The following TNRC6C variants were observed in gnomAD, a reference collection of about 807,000 sequenced individuals.
TNRC6C encodes trinucleotide repeat containing adaptor 6C, also known as trinucleotide repeat-containing gene 6C protein.
In TNRC6C, 20 loss-of-function variants were observed where a neutral mutation model predicts 153.7. That is an observed-to-expected ratio of 0.13 (90% CI 0.09 to 0.19). The LOEUF (loss-of-function observed/expected upper bound fraction) is 0.19, where lower values mean the gene tolerates loss of function less well. Ranked by LOEUF, TNRC6C falls within the 10% of genes least tolerant of loss-of-function variation. TNRC6C has a pLI of 1.00. For missense variants in TNRC6C, 1,987 were observed against 2,172.0 expected, an observed-to-expected ratio of 0.91 and a Z score of 1.69; for synonymous variants, 811 against 841.4, an observed-to-expected ratio of 0.96 and a Z score of 0.63.
intron 3 of TNRC6C, among the ~76,000 whole-genome samples, chr17:78,053,132 A>G (rs183888437): frequency 2.0e-5 from 3 of 152,186 alleles, no homozygotes; most frequent in Non-Finnish European, 4.4e-5. Flanking sequence ...GAGGCTTTTG[A>G]TCAGTAGCCA....
intron 2 of TNRC6C, among the ~76,000 whole-genome samples, chr17:78,039,321 C>CCCT (rs1006412824): frequency 2.3e-5 from 2 of 88,732 alleles, no homozygotes; most frequent in African/African-American, 7.6e-5. Flanking sequence ...CCCCCCCCCC[C>CCCT]ACTCCCTACC....
At chr17:78,051,554 A>G in intron 3 of TNRC6C, 106 bp downstream of exon 5, 1 of 1,199,094 alleles carries the variant, frequency 8.3e-7, no homozygotes, top group Non-Finnish European at 1.1e-6. Flanking sequence ...TATAGCAAAT[A>G]GCATTAAAAT....
At chr17:78,088,632 C>CT (rs572549529) in intron 13 of TNRC6C, among the ~76,000 whole-genome samples, 184 of 142,828 alleles carry the variant, frequency 1.3e-3, no homozygotes, top group East Asian at 2.8e-3. Context: ...TTTTCTCTCT[C>CT]TTTTTTTTTT....
chr17:78,050,943 G>A (rs760994758), exon 3 of TNRC6C: 7 of 1,613,822 alleles, frequency 4.3e-6, no homozygotes, highest in African/African-American at 2.7e-5. Flanking sequence ...ATAGGTCAGG[G>A]TCTGGTTGGA....
At chr17:77,972,144 A>G (rs1037259931) in intron 1 of TNRC6C, among the ~76,000 whole-genome samples, 4 of 152,172 alleles carry the variant, frequency 2.6e-5, no homozygotes, top group Non-Finnish European at 5.9e-5. Context: ...AATTGCAAAG[A>G]TCAACAAAAT....
At chr17:77,969,542 G>A (rs1443429728) in intron 1 of TNRC6C, among the ~76,000 whole-genome samples, 1 of 152,126 alleles carries the variant, frequency 6.6e-6, no homozygotes, top group Admixed American at 6.5e-5. Context: ...GAGTCACCAC[G>A]CCCGGCAATT....
intron 8 of TNRC6C, among the ~76,000 whole-genome samples, chr17:78,076,363 T>C (rs12325933): frequency 0.24 from 36,885 of 152,102 alleles, 5,451 homozygotes; most frequent in African/African-American, 0.4. Flanking sequence ...GGCTCACGTC[T>C]TCATCCTGCC....
At chr17:78,031,925 CAT>C in intron 2 of TNRC6C, 83 bp downstream of exon 4, 4 of 1,185,260 alleles carry the variant, frequency 3.4e-6, no homozygotes, top group Non-Finnish European at 4.2e-6. Context: ...TAGAAATAGA[CAT>C]ATTTTGGTCC....
intron 1 of TNRC6C, among the ~76,000 whole-genome samples, chr17:78,021,429 C>A (rs1304249664): frequency 1.3e-5 from 2 of 152,198 alleles, no homozygotes; most frequent in African/African-American, 4.8e-5. Flanking sequence ...GTAAAAGCAC[C>A]TGCGTTTCTA....
At chr17:77,964,013 C>A (rs1201084443) in intron 1 of TNRC6C, among the ~76,000 whole-genome samples, 1 of 152,156 alleles carries the variant, frequency 6.6e-6, no homozygotes, top group Non-Finnish European at 1.5e-5. Context: ...GCCCTAAGAC[C>A]CATATGATCA....
intron 7 of TNRC6C, among the ~76,000 whole-genome samples, chr17:78,073,864 A>G (rs945333813): frequency 1.3e-5 from 2 of 152,232 alleles, no homozygotes; most frequent in Admixed American, 1.3e-4. Context: ...CATACTCAAA[A>G]CAATGCCGTC....
At chr17:78,102,134 C>T (rs2073607478) in intron 17 of TNRC6C, among the ~76,000 whole-genome samples, 1 of 152,190 alleles carries the variant, frequency 6.6e-6, no homozygotes, top group East Asian at 1.9e-4. Context: ...CACACCGGGT[C>T]TGGGGACAGG....
At chr17:78,027,966 G>C (rs951857678) in intron 1 of TNRC6C, among the ~76,000 whole-genome samples, 1 of 146,844 alleles carries the variant, frequency 6.8e-6, no homozygotes, top group Non-Finnish European at 1.5e-5. Flanking sequence ...TGCGATCTCC[G>C]CTCATTGCAA....
chr17:78,104,283 C>G lies in TNRC6C; in HGVS notation c.4713-202C>G, dbSNP rs2073649468. On this transcript the variant is annotated intron_variant, in intron 19 of 19. Coordinates refer to ENST00000301624, the Ensembl canonical transcript of TNRC6C. This position sits in a 1 kb window ranked among gnomAD's most constrained non-coding sequence, Gnocchi z 6.2. ...ATCTGTTCACGCACTTGAAGATGTA[C>G]TCTGTGTACCAGTACGATGTTGCCA... Among the ~76,000 whole-genome samples, 1 of 152,236 alleles carries G rather than the reference C, an allele frequency of 6.6e-6. No individual in the cohort carries two copies. The highest frequency in any genetic ancestry group is 1.5e-5 in the Non-Finnish European group (1 of 68,046).
At chr17:78,068,532 A>G (rs2072926622) in intron 5 of TNRC6C, among the ~76,000 whole-genome samples, 1 of 152,124 alleles carries the variant, frequency 6.6e-6, no homozygotes, top group Non-Finnish European at 1.5e-5. Context: ...AGTGGCTCAC[A>G]CCTGTAATCC....
chr17:78,049,708 G>A lies in TNRC6C; in HGVS notation c.646G>A (p.Ala216Thr), dbSNP rs1425721013. 1 of 1,602,800 alleles carries A rather than the reference G, an allele frequency of 6.2e-7. No individual in the cohort carries two copies. Among genetic ancestry groups the A allele is most frequent in the Non-Finnish European group, 8.5e-7 (1 of 1,172,784 alleles). The change falls in exon 3 of 20, where the codon GCC (alanine) becomes ACC (threonine). Residue 216 changes from alanine (A) to threonine (T), a missense_variant. Transcript: ENST00000301624. The surrounding 1 kb of genome is among the most constrained non-coding windows in gnomAD (Gnocchi z 4.1). ...CTGGGGCATGGCTGTTGGTATGGGG[G>A]CCATCATCCCGCCCCACCTGCAAGG... is the stretch of plus-strand genomic sequence containing the variant.
At chr17:78,051,520 A>G in intron 3 of TNRC6C, 72 bp downstream of exon 5, 1 of 1,336,304 alleles carries the variant, frequency 7.5e-7, no homozygotes, top group Non-Finnish European at 9.7e-7. Context: ...TTATATATTC[A>G]TGAATACTCC....
chr17:77,960,373 T>C lies in TNRC6C; in HGVS notation c.-38+1105T>C, dbSNP rs181914425. 1.7e-3 allele frequency among the ~76,000 whole-genome samples: 253 copies of C among 152,322 alleles called. 1 individual carries two copies. Among genetic ancestry groups the C allele is most frequent in the Non-Finnish European group, 2.7e-3 (183 of 68,022 alleles). On this transcript the variant is annotated intron_variant, in intron 1 of 22. Coordinates refer to the TNRC6C transcript ENST00000636222. The stretch of plus-strand genomic sequence containing the variant: ...CGAGTGTCTGGTGTTCACGTTGACG[T>C]ACTTCGGCCAGTACAAGGTAGCCAA...
At chr17:78,046,957 T>C (rs1391449997) in intron 2 of TNRC6C, among the ~76,000 whole-genome samples, 1 of 152,012 alleles carries the variant, frequency 6.6e-6, no homozygotes, top group African/African-American at 2.4e-5. Context: ...GTGACTGTTG[T>C]GGAATGGAAC....
Sources: gnomAD v4.1 joint callset for allele counts (sites outside exome capture counted in the v4.1 genomes callset) on GRCh38, gnomAD v4.1.1 for gene constraint, Gnocchi (gnomAD v3.1) non-coding constraint, MANE v1.5 for transcripts, NCBI Gene and HGNC (gene_info 2026-07-23, HGNC 2026-07-21) for gene names.